NDUFA9: variants seen among roughly 807,000 people sequenced by gnomAD.
The protein encoded by NDUFA9 is NADH dehydrogenase [ubiquinone] 1 alpha subcomplex subunit 9, mitochondrial.
In NDUFA9, 23 loss-of-function variants were observed where a neutral mutation model predicts 45.9. The observed-to-expected ratio is 0.50, with a 90% confidence interval of 0.36 to 0.71. The LOEUF is 0.71. Among genes scored for constraint, NDUFA9 ranks in the 30% least tolerant of loss-of-function variants. The probability of loss-of-function intolerance (pLI) is 0.00; values close to 1 mark genes in which losing one functional copy is unlikely to be tolerated. For synonymous variants in NDUFA9, 176 were observed against 170.5 expected, an observed-to-expected ratio of 1.03 and a Z score of -0.25; for missense variants, 466 against 488.2, an observed-to-expected ratio of 0.95 and a Z score of 0.43.
chr12:4,682,169 G>C (rs376227275), intron 8 of NDUFA9, 36 bp from the exon 9 acceptor site: 3 of 1,452,186 alleles, frequency 2.1e-6, no homozygotes, highest in Admixed American at 1.9e-5. Context: ...TGTGAGAAGC[G>C]TGTAATTGAA....
chr12:4,656,304 G>GT (rs1185398868), intron 3 of NDUFA9, among the ~76,000 whole-genome samples: 1 of 152,086 alleles, frequency 6.6e-6, no homozygotes. Flanking sequence ...CTTATTCCTA[G>GT]TTCTTTGTCC....
intron 7 of NDUFA9, 37 bp downstream of exon 7, chr12:4,668,561 T>C (rs747311627): frequency 3.3e-6 from 5 of 1,533,464 alleles, no homozygotes; most frequent in Non-Finnish European, 4.5e-6. Context: ...AAAGGGATTT[T>C]TGATGAATTC....
intron 10 of NDUFA9, among the ~76,000 whole-genome samples, chr12:4,686,696 G>C (rs933092396): frequency 2.0e-5 from 3 of 152,052 alleles, no homozygotes; most frequent in Non-Finnish European, 4.4e-5. Context: ...CTGTGCTCGC[G>C]GCTGCCACTG....
At position 4,691,462 on chromosome 12, in the gene NDUFA9, A is replaced by G. The variant is rs1946018037; in HGVS notation, c.*4354A>G. On this transcript the variant is annotated 3_prime_UTR_variant, in exon 11 of 11. Transcript: ENST00000266544. The stretch of plus-strand genomic sequence containing the variant: ...TTTTCCAACCTGGATCTTTCTGGCT[A>G]CAAAACTGATGCCTTGTTCCAGAAA... 1.3e-5 allele frequency: 2 copies of G among 152,232 alleles called. No homozygotes were observed. Among genetic ancestry groups the G allele is most frequent in the South Asian group, 4.1e-4 (2 of 4,834 alleles). The allele number at this position is 152,232 out of a possible 1,614,324, so 9.4% of individuals were successfully genotyped here. A position where few individuals can be genotyped will look rare whatever the true frequency, so the allele number is the denominator to read the frequency against.
chr12:4,649,837 C>A (rs1945745944), intron 1 of NDUFA9, among the ~76,000 whole-genome samples: 1 of 152,164 alleles, frequency 6.6e-6, no homozygotes, highest in Non-Finnish European at 1.5e-5. Flanking sequence ...AATTTGTTAG[C>A]ATTATTTAGT....
At position 4,689,760 on chromosome 12, in the gene NDUFA9, C is replaced by G. The variant is rs945229509; in HGVS notation, c.*2652C>G. On this transcript the variant is annotated 3_prime_UTR_variant, in exon 11 of 11. Coordinates refer to ENST00000266544, the MANE Select transcript of NDUFA9 (RefSeq NM_005002.5). ...TCTTTTCCCCACATTTCCCCCTTTT[C>G]TATTCCGCAAAACCACCATCGTCAT... 3.3e-5 allele frequency: 6 copies of G among 179,204 alleles called. No individual in the cohort carries two copies. Among genetic ancestry groups the G allele is most frequent in the South Asian group, 2.7e-4 (2 of 7,518 alleles). 11.1% of individuals were successfully genotyped at this position (179,204 alleles called of 1,614,324 possible).
chr12:4,675,754 C>T (rs1945915940), intron 8 of NDUFA9, among the ~76,000 whole-genome samples: 1 of 152,172 alleles, frequency 6.6e-6, no homozygotes, highest in African/African-American at 2.4e-5. Context: ...GGTACCATTC[C>T]TTCTGAAACT....
intron 8 of NDUFA9, among the ~76,000 whole-genome samples, chr12:4,681,341 A>C (rs1238004741): frequency 6.6e-6 from 1 of 151,948 alleles, no homozygotes; most frequent in African/African-American, 2.4e-5. Context: ...TATTTCCAAC[A>C]ATATCACTAA....
At position 4,662,620 on chromosome 12, in the gene NDUFA9, C is replaced by T. The variant is rs745623102; in HGVS notation, c.640C>T (p.Leu214Phe). 1 of 1,613,310 alleles carries T rather than the reference C, an allele frequency of 6.2e-7. No homozygotes were observed. ...CATCTTTGGAAGAGAGGATAGATTC[C>T]TTAATTCTTTTGCAAGTACGTATTC... Reference protein sequence around the residue: ...SDIFGREDRFLNSFASMHRFG... With the variant: ...SDIFGREDRFFNSFASMHRFG... The change falls in exon 6 of 11, where the codon CTT (leucine) becomes TTT (phenylalanine). Residue 214 changes from leucine to phenylalanine, a missense_variant. Coordinates refer to ENST00000266544, the MANE Select transcript of NDUFA9 (RefSeq NM_005002.5).
chr12:4,684,558 C>G (rs557261662), intron 9 of NDUFA9, among the ~76,000 whole-genome samples: 1 of 152,122 alleles, frequency 6.6e-6, no homozygotes, highest in Non-Finnish European at 1.5e-5. Flanking sequence ...TCACTTGAGC[C>G]TGGGAGTGTG....
In NDUFA9 at chr12:4,688,230, C is replaced by G. The variant is rs1945999173; in HGVS notation, c.*1122C>G. On this transcript the variant is annotated 3_prime_UTR_variant, in exon 11 of 11. Coordinates refer to ENST00000266544, the MANE Select transcript of NDUFA9 (RefSeq NM_005002.5). Reference sequence around the variant, plus strand: ...GCACAGTGGCTCACACCTGTAATCCCAACGCTTTTGAGTTGCTGTGGTGGG... The same window carrying G: ...GCACAGTGGCTCACACCTGTAATCCGAACGCTTTTGAGTTGCTGTGGTGGG... 1 of 152,264 alleles carries G rather than the reference C, an allele frequency of 6.6e-6. No homozygotes were observed. Among genetic ancestry groups the G allele is most frequent in the African/African-American group, 2.4e-5 (1 of 41,428 alleles). 9.4% of individuals were successfully genotyped at this position (152,264 alleles called of 1,614,324 possible).
At chr12:4,657,110 T>G (rs928644956) in intron 3 of NDUFA9, 13 of 152,346 alleles carry the variant, frequency 8.5e-5, no homozygotes, top group African/African-American at 3.1e-4. Context: ...AAGAAATTCT[T>G]ATTACTTGTT....
intron 7 of NDUFA9, among the ~76,000 whole-genome samples, chr12:4,668,982 G>A (rs1292311441): frequency 6.6e-6 from 1 of 152,204 alleles, no homozygotes; most frequent in East Asian, 1.9e-4. Context: ...CTAAAGGTAA[G>A]CCTGATGAAA....
Position 4,662,571 on chromosome 12 carries a change from A to C in NDUFA9, c.591A>C (p.Glu197Asp), listed in dbSNP as rs1382253276. 6.2e-7 allele frequency: 1 copy of C among 1,613,882 alleles called. No individual in the cohort carries two copies. Among genetic ancestry groups the C allele is most frequent in the African/African-American group, 1.3e-5 (1 of 74,924 alleles). ...AAGTAGTGAGAGATGCATTTCCGGA[A>C]GCCATTATCGTAAAGCCGTCGGACA... ...GEKVVRDAFP[E>D]AIIVKPSDIF... Residue 197 changes from glutamate to aspartate, a missense_variant, in exon 6 of 11, where the codon GAA becomes GAC. By Grantham distance (45) the Glu-to-Asp change is conservative. Coordinates refer to ENST00000266544, the MANE Select transcript of NDUFA9 (RefSeq NM_005002.5).
At chr12:4,684,344 G>A (rs1452434860) in intron 9 of NDUFA9, among the ~76,000 whole-genome samples, 1 of 152,164 alleles carries the variant, frequency 6.6e-6, no homozygotes, top group Non-Finnish European at 1.5e-5. Context: ...AAGTCCTGCT[G>A]GGTAAATCCA....
At chr12:4,682,103 T>G in intron 8 of NDUFA9, 102 bp from the exon 9 acceptor site, 1 of 761,230 alleles carries the variant, frequency 1.3e-6, no homozygotes, top group Non-Finnish European at 2.2e-6. Flanking sequence ...TCTACTACAG[T>G]GCATATATGT....
At position 4,669,813 on chromosome 12, in the gene NDUFA9, G is replaced by A. The variant is rs753235418; in HGVS notation, c.796G>A (p.Val266Ile). ...TGCCAATGGGAAATCCTTTGCTTTC[G>A]TTGGGTAAGTGCTTAGAGTTTGAAT... is the stretch of plus-strand genomic sequence containing the variant. Reference protein sequence around the residue: ...PDANGKSFAFVGPSRYLLFHL... With the variant: ...PDANGKSFAFIGPSRYLLFHL... The change falls in exon 8 of 11, where the codon GTT (valine) becomes ATT (isoleucine). Residue 266 changes from valine to isoleucine, a missense_variant. By Grantham distance (29) the Val-to-Ile change is conservative. Coordinates refer to ENST00000266544, the MANE Select transcript of NDUFA9 (RefSeq NM_005002.5). The A allele has an allele frequency of 2.9e-5, 46 of 1,608,360 alleles. No homozygotes were observed. In the African/African-American group the frequency reaches 3.1e-4, roughly 11 times the overall value.
chr12:4,651,959 C>T (rs1945762054), intron 1 of NDUFA9, among the ~76,000 whole-genome samples: 1 of 152,198 alleles, frequency 6.6e-6, no homozygotes, highest in African/African-American at 2.4e-5. Flanking sequence ...ATTTTCAGTG[C>T]TACATTTTTC....
chr12:4,665,062 GA>G (rs1945845380), intron 6 of NDUFA9, among the ~76,000 whole-genome samples: 1 of 152,136 alleles, frequency 6.6e-6, no homozygotes, highest in Admixed American at 6.5e-5. Flanking sequence ...ATCTGATTTA[GA>G]TAATATTTGG....
Sources: allele counts gnomAD v4.1 joint callset (sites outside exome capture counted in the v4.1 genomes callset), GRCh38; gene constraint gnomAD v4.1.1; transcripts MANE v1.5; gene names NCBI Gene and HGNC (gene_info 2026-07-23, HGNC 2026-07-21).